Variants in RNF17 observed in about 807,000 individuals in gnomAD.
RNF17 encodes the protein spermatogenesis associated 23.
RNF17 carries 31 observed loss-of-function variants against 200.5 expected under a neutral mutation model. That is an observed-to-expected ratio of 0.15 (90% CI 0.12 to 0.21). RNF17 has a LOEUF of 0.21. Ranked by LOEUF, RNF17 falls within the 10% of genes least tolerant of loss-of-function variation. The probability of loss-of-function intolerance (pLI) is 1.00; values close to 1 mark genes in which losing one functional copy is unlikely to be tolerated. For synonymous variants in RNF17, 606 were observed against 637.8 expected (o/e 0.95, Z 0.75); for missense variants, 1,628 against 1,905.1 (o/e 0.85, Z 2.71).
chr13:24,836,357 A>G (rs909202354), intron 18 of RNF17, among the ~76,000 whole-genome samples: 4 of 152,210 alleles, frequency 2.6e-5, no homozygotes, highest in Non-Finnish European at 5.9e-5. Flanking sequence ...AGGAAGCACA[A>G]AGAAGACCTG....
chr13:24,816,316 T>G (rs1258589694), intron 15 of RNF17, among the ~76,000 whole-genome samples: 1 of 152,210 alleles, frequency 6.6e-6, no homozygotes, highest in Non-Finnish European at 1.5e-5. Flanking sequence ...GCATCCATTT[T>G]TAGGCCTAAC....
At chr13:24,767,448 T>A (rs1879869245) in intron 2 of RNF17, 82 bp downstream of exon 2, 1 of 1,015,202 alleles carries the variant, frequency 9.9e-7, no homozygotes, top group Non-Finnish European at 1.5e-6. Context: ...AACGTACTTC[T>A]AGTTAGAAAC....
At chr13:24,754,628 T>C in the RNF17 span, among the ~76,000 whole-genome samples, 3 of 152,170 alleles carry the variant, frequency 2.0e-5, no homozygotes. Flanking sequence ...TGGTGGCTCA[T>C]ACCTGTAGTC....
chr13:24,884,094 AGTT>A (rs34991318), downstream of RNF17: 876,149 of 1,611,820 alleles, frequency 0.54, 243,098 homozygotes, highest in East Asian at 0.81. Flanking sequence ...CTGTTTAAAA[AGTT>A]GTTACAGTAA....
intron 30 of RNF17, among the ~76,000 whole-genome samples, chr13:24,868,193 G>A (rs937308243): frequency 2.6e-5 from 4 of 152,090 alleles, no homozygotes; most frequent in African/African-American, 4.8e-5. Context: ...TGCTGGGGCC[G>A]GGCGCGGTGG....
At chr13:24,872,240 G>C (rs1195586301) in intron 32 of RNF17, among the ~76,000 whole-genome samples, 1 of 152,106 alleles carries the variant, frequency 6.6e-6, no homozygotes, top group African/African-American at 2.4e-5. Flanking sequence ...GATTACAGAC[G>C]TGAGCCTCCG....
chr13:24,751,447 C>G, the RNF17 span: 1 of 151,968 alleles, frequency 6.6e-6, no homozygotes, highest in East Asian at 1.9e-4. Context: ...TACGTCCTTT[C>G]TTTTTACTGC....
At chr13:24,752,965 A>G in the RNF17 span, among the ~76,000 whole-genome samples, 1 of 150,752 alleles carries the variant, frequency 6.6e-6, no homozygotes, top group African/African-American at 2.5e-5. Flanking sequence ...ATCTCATGCT[A>G]CTCCCCCTCG....
downstream of RNF17, chr13:24,884,000 T>C (rs770678971): frequency 6.2e-7 from 1 of 1,614,200 alleles, no homozygotes; most frequent in South Asian, 1.1e-5. Flanking sequence ...GGGAAAATGC[T>C]TTCTTCTTGT....
At chr13:24,811,164 A>G (rs1188962237) in intron 15 of RNF17, among the ~76,000 whole-genome samples, 50 of 147,856 alleles carry the variant, frequency 3.4e-4, no homozygotes, top group Non-Finnish European at 5.6e-4. Flanking sequence ...CGTTCTCTGT[A>G]TTTCCTGAAT....
intron 15 of RNF17, among the ~76,000 whole-genome samples, chr13:24,820,900 A>G (rs186363416): frequency 2.6e-4 from 39 of 152,178 alleles, no homozygotes; most frequent in African/African-American, 7.2e-4. Flanking sequence ...GGTTTATCCT[A>G]TTTGGAGTCT....
chr13:24,774,035 ACTTT>A (rs994608073), intron 2 of RNF17, among the ~76,000 whole-genome samples: 8 of 152,128 alleles, frequency 5.3e-5, no homozygotes, highest in Admixed American at 1.3e-4. Context: ...CAACTATCCA[ACTTT>A]CTTCTATTTC....
downstream of RNF17, chr13:24,880,050 A>C (rs368493483): frequency 6.6e-6 from 1 of 152,184 alleles, no homozygotes; most frequent in African/African-American, 2.4e-5. Context: ...TCCCAAACAC[A>C]TTCCCCCTGC....
rs141096895 is a variant in RNF17 at position 24,854,092 on chromosome 13, A to G, written c.3558A>G (p.Thr1186=). ...CTAACATGAACGTATTTGAGGCAAC[A>G]GTCAGCTGTGTTGGTGATGATGGAA... ...AIPNMNVFEA[T]VSCVGDDGTI... is the part of the protein sequence containing the mutation. The change falls in exon 25 of 36, where the codon ACA becomes ACG. Residue 1186 remains threonine, a synonymous_variant. Coordinates refer to ENST00000255324, the MANE Select transcript of RNF17 (RefSeq NM_031277.3). 7.1e-4 allele frequency: 1,152 copies of G among 1,614,020 alleles called. 11 individuals are homozygous for G. Among genetic ancestry groups the G allele is most frequent in the Middle Eastern group, 1.3e-3 (8 of 6,058 alleles).
the RNF17 span, among the ~76,000 whole-genome samples, chr13:24,752,763 G>T: frequency 6.6e-6 from 1 of 152,240 alleles, no homozygotes; most frequent in African/African-American, 2.4e-5. Flanking sequence ...TAACAGGCCA[G>T]GGATGATACT....
At chr13:24,787,588 G>C (rs1428056578) in intron 6 of RNF17, among the ~76,000 whole-genome samples, 2 of 152,038 alleles carry the variant, frequency 1.3e-5, no homozygotes, top group African/African-American at 2.4e-5. Context: ...CCTCAGTGTG[G>C]CTTTTTCAAT....
chr13:24,859,090 G>C lies in RNF17; in HGVS notation c.3700G>C (p.Ala1234Pro), dbSNP rs769921917. The change falls in exon 26 of 36, where the codon GCA becomes CCA. Residue 1234 changes from alanine (A) to proline (P), a missense_variant. Ala to Pro is a conservative substitution (Grantham distance 27). Transcript: ENST00000255324. ...GCCTTATTTCTGGAAAAAAGGAGAA[G>C]CATGTGCAGTAAGAGGATCCGATAC... Reference protein sequence around the residue: ...LEPYFWKKGEACAVRGSDTLW... With the variant: ...LEPYFWKKGEPCAVRGSDTLW... The C allele has an allele frequency of 1.4e-5, 22 of 1,613,126 alleles. No homozygotes were observed. The highest frequency in any genetic ancestry group is 1.9e-5 in the Non-Finnish European group (22 of 1,179,434).
chr13:24,749,096 C>T, the RNF17 span, among the ~76,000 whole-genome samples: 2 of 152,040 alleles, frequency 1.3e-5, no homozygotes, highest in African/African-American at 4.8e-5. Context: ...GAGAAGTGTA[C>T]CTTGCTCACC....
intron 30 of RNF17, among the ~76,000 whole-genome samples, chr13:24,866,915 TCTC>T (rs1252834038): frequency 6.6e-6 from 1 of 152,196 alleles, no homozygotes; most frequent in Non-Finnish European, 1.5e-5. Flanking sequence ...ATTTTTTCCA[TCTC>T]CTCACCAGAT....
Sources: allele counts gnomAD v4.1 joint callset (sites outside exome capture counted in the v4.1 genomes callset), GRCh38; gene constraint gnomAD v4.1.1; transcripts MANE v1.5; gene names NCBI Gene and HGNC (gene_info 2026-07-23, HGNC 2026-07-21).